Variants in RAPGEF1 observed in about 807,000 individuals in gnomAD.
RAPGEF1 encodes the protein CRK SH3-binding GNRP.
In RAPGEF1, 33 loss-of-function variants were observed where a neutral mutation model predicts 143.3. The observed-to-expected ratio is 0.23, with a 90% confidence interval of 0.17 to 0.31. The LOEUF (loss-of-function observed/expected upper bound fraction) is 0.31. RAPGEF1 is among the 10% of genes least tolerant of loss of function. The pLI is 1.00. For missense variants in RAPGEF1, 1,199 were observed against 1,645.4 expected (o/e 0.73, Z 4.69); for synonymous variants, 629 against 676.5 (o/e 0.93, Z 1.09).
At chr9:131,602,994 T>C (rs768937600) in intron 14 of RAPGEF1, among the ~76,000 whole-genome samples, 6 of 152,156 alleles carry the variant, frequency 3.9e-5, no homozygotes, top group Non-Finnish European at 7.4e-5. Flanking sequence ...GACTTCACCA[T>C]GGGGAGGCTG....
At position 131,655,545 on chromosome 9, in the gene RAPGEF1, A is replaced by G. The variant is rs914079783; in HGVS notation, c.62-4596T>C. Among the ~76,000 whole-genome samples the G allele has an allele frequency of 6.6e-6, 1 of 152,122 alleles. No homozygotes were observed. The highest frequency in any genetic ancestry group is 2.4e-5 in the African/African-American group (1 of 41,402). ...ATTTACAGTTTATACTTCCTTCTTTATACTTCAACATGGATGTGAACAGTC... is the reference window on the plus strand; with the variant it reads ...ATTTACAGTTTATACTTCCTTCTTTGTACTTCAACATGGATGTGAACAGTC... On this transcript the variant is annotated intron_variant, in intron 1 of 26. Transcript: ENST00000683357. The surrounding 1 kb of genome is among the most constrained non-coding windows in gnomAD (Gnocchi z 4.1).
intron 13 of RAPGEF1, 130 bp from the exon 14 acceptor site, chr9:131,604,183 C>T: frequency 2.3e-6 from 1 of 440,298 alleles, no homozygotes; most frequent in Non-Finnish European, 4.2e-6. Flanking sequence ...GCTTTTGCCA[C>T]CTCTTGCCTC....
chr9:131,622,326 C>T (rs887093550), intron 10 of RAPGEF1, among the ~76,000 whole-genome samples: 2 of 152,172 alleles, frequency 1.3e-5, no homozygotes, highest in East Asian at 1.9e-4. Context: ...CGAGGCATGT[C>T]GCAAGTGCCA....
intron 1 of RAPGEF1, among the ~76,000 whole-genome samples, chr9:131,733,078 G>C (rs977415916): frequency 6.6e-6 from 1 of 152,150 alleles, no homozygotes; most frequent in Non-Finnish European, 1.5e-5. Context: ...TGAGAGCATC[G>C]AGGAAGTGGG....
intron 15 of RAPGEF1, among the ~76,000 whole-genome samples, chr9:131,601,163 C>G (rs1956206667): frequency 9.4e-6 from 1 of 105,948 alleles, no homozygotes; most frequent in Non-Finnish European, 1.8e-5. Flanking sequence ...CAGAGTGAGA[C>G]TCCGTCTCAA....
chr9:131,724,703 A>C (rs1836524816), intron 1 of RAPGEF1, among the ~76,000 whole-genome samples: 1 of 152,234 alleles, frequency 6.6e-6, no homozygotes, highest in Non-Finnish European at 1.5e-5. Flanking sequence ...ACTTAGAAAG[A>C]AAGCCTACAG....
intron 5 of RAPGEF1, among the ~76,000 whole-genome samples, chr9:131,631,793 C>T (rs897623689): frequency 2.7e-4 from 41 of 152,274 alleles, no homozygotes; most frequent in Middle Eastern, 3.4e-3. Context: ...AAGGTGAACA[C>T]GCCGAAAAAA....
Position 131,643,360 on chromosome 9 carries a change from TA to T in RAPGEF1, c.372del (p.Phe124LeufsTer66). ...ATTGCCATTTTGTCCACAATGGTCT[TA>T]AAGTAGCGCAGGGCACTGACAACTT... ...EKEVVSALRY[F>X]KTIVDKMAID... On this transcript the variant is annotated frameshift_variant, in exon 4 of 27. Transcript: ENST00000683357. LOFTEE classifies it high-confidence loss of function. The T allele has an allele frequency of 6.2e-7, 1 of 1,613,906 alleles. No individual in the cohort carries two copies. The highest frequency in any genetic ancestry group is 8.5e-7 in the Non-Finnish European group (1 of 1,179,866).
At chr9:131,738,247 TATA>T (rs2131373223) in intron 1 of RAPGEF1, among the ~76,000 whole-genome samples, 1 of 150,576 alleles carries the variant, frequency 6.6e-6, no homozygotes, top group African/African-American at 2.4e-5. Context: ...AAAGATATAA[TATA>T]ATCTTATATA....
At chr9:131,656,065 A>C (rs532639726) in intron 1 of RAPGEF1, among the ~76,000 whole-genome samples, 1 of 152,210 alleles carries the variant, frequency 6.6e-6, no homozygotes, top group African/African-American at 2.4e-5. Context: ...TGGATAATAC[A>C]ATAAGGTATT....
intron 1 of RAPGEF1, among the ~76,000 whole-genome samples, chr9:131,716,068 G>A (rs1835843227): frequency 6.6e-6 from 1 of 152,084 alleles, no homozygotes; most frequent in Non-Finnish European, 1.5e-5. Context: ...ACATATGCTG[G>A]CTCCCATCCC....
At chr9:131,589,503 T>G (rs1564463694) in intron 19 of RAPGEF1, among the ~76,000 whole-genome samples, 1 of 152,226 alleles carries the variant, frequency 6.6e-6, no homozygotes, top group Non-Finnish European at 1.5e-5. Context: ...TGCTGTCAGA[T>G]GGCCAGCCAT....
chr9:131,581,032 C>T (rs925523676), intron 25 of RAPGEF1, among the ~76,000 whole-genome samples: 10 of 152,018 alleles, frequency 6.6e-5, no homozygotes, highest in African/African-American at 2.4e-4. Context: ...GTCATCCCAA[C>T]TCGGGAGGCT....
At chr9:131,719,004 TTG>T (rs1004691413) in intron 1 of RAPGEF1, among the ~76,000 whole-genome samples, 12 of 151,914 alleles carry the variant, frequency 7.9e-5, no homozygotes, top group Non-Finnish European at 1.5e-4. Flanking sequence ...TTGTGGCTTT[TTG>T]TGTGTGTGTG....
chr9:131,630,094 A>G, intron 6 of RAPGEF1, 142 bp downstream of exon 6: 1 of 670,584 alleles, frequency 1.5e-6, no homozygotes, highest in East Asian at 2.7e-5. Context: ...AAATATACAC[A>G]CACTGCTAAC....
intron 12 of RAPGEF1, among the ~76,000 whole-genome samples, chr9:131,614,946 C>T (rs1352112525): frequency 6.6e-6 from 1 of 152,024 alleles, no homozygotes; most frequent in African/African-American, 2.4e-5. Context: ...TTCTGGAAGC[C>T]AAGATGGTAA....
At chr9:131,656,470 A>G (rs977254808) in intron 1 of RAPGEF1, among the ~76,000 whole-genome samples, 17 of 152,162 alleles carry the variant, frequency 1.1e-4, no homozygotes, top group Admixed American at 8.5e-4. Flanking sequence ...CAGTTTCCTA[A>G]TCCATGTGAC....
At chr9:131,609,814 TTCTC>T (rs146848846) in intron 12 of RAPGEF1, among the ~76,000 whole-genome samples, 2,508 of 152,318 alleles carry the variant, frequency 0.016, 66 homozygotes, top group African/African-American at 0.056. Context: ...CGGTGACACC[TTCTC>T]TCTATTATAG....
At chr9:131,698,753 G>GGGAGGGACCCTGGGCTAGCCTGCT (rs1291859950) in intron 1 of RAPGEF1, among the ~76,000 whole-genome samples, 1 of 151,724 alleles carries the variant, frequency 6.6e-6, no homozygotes, top group Non-Finnish European at 1.5e-5. Flanking sequence ...ACCCCACTAC[G>GGGAGGGACCCTGGGCTAGCCTGCT]GGAGGGACCC....
Sources: allele counts gnomAD v4.1 joint callset (sites outside exome capture counted in the v4.1 genomes callset), GRCh38; gene constraint gnomAD v4.1.1; non-coding constraint Gnocchi (gnomAD v3.1); transcripts MANE v1.5; gene names NCBI Gene and HGNC (gene_info 2026-07-23, HGNC 2026-07-21).